Variants in PFKL observed in about 807,000 individuals in gnomAD.
The protein encoded by PFKL is ATP-dependent 6-phosphofructokinase, liver type.
A neutral mutation model predicts 92.1 loss-of-function variants in PFKL; 74 were observed. That is an observed-to-expected ratio of 0.80 (90% CI 0.67 to 0.97). The LOEUF is 0.97. Among genes scored for constraint, PFKL ranks in the 50% least tolerant of loss-of-function variants. PFKL has a pLI of 0.00. For missense variants in PFKL, 1,028 were observed against 1,116.6 expected (o/e 0.92, Z 1.13); for synonymous variants, 494 against 456.4 (o/e 1.08, Z -1.05).
intron 1 of PFKL, chr21:44,304,562 A>G (rs1442208048): frequency 4.5e-6 from 5 of 1,114,132 alleles, no homozygotes; most frequent in African/African-American, 1.7e-5. Flanking sequence ...ACTGCCCCCA[A>G]CTCCAGTGAG....
chr21:44,312,307 C>T lies in PFKL; in HGVS notation c.427+13C>T, dbSNP rs1340424768. On this transcript the variant is annotated intron_variant, in intron 4 of 21. Transcript: ENST00000349048. The stretch of plus-strand genomic sequence containing the variant: ...CTGGTGGCGGAAGGTGGGTCTGTGC[C>T]CGGCGCACTGTAGGCCCTGGGGTTT... 5 of 1,577,204 alleles carry T rather than the reference C, an allele frequency of 3.2e-6. No individual in the cohort carries two copies. The Admixed American group carries it at 5.5e-5, about 17-fold the overall frequency.
chr21:44,313,278 C>T (rs1034450033), intron 5 of PFKL, 135 bp downstream of exon 5: 3 of 1,014,666 alleles, frequency 3.0e-6, no homozygotes, highest in South Asian at 1.5e-5. Flanking sequence ...CCGCCCTCAG[C>T]CCCCAGCTGG....
chr21:44,324,765 G>A, intron 17 of PFKL, 91 bp from the exon 18 acceptor site: 1 of 1,574,976 alleles, frequency 6.3e-7, no homozygotes, highest in Non-Finnish European at 8.7e-7. Context: ...GGGACGCGTA[G>A]CCCAGTGCTC....
chr21:44,320,317 G>T, intron 12 of PFKL, 170 bp downstream of exon 12: 1 of 535,880 alleles, frequency 1.9e-6, no homozygotes. Context: ...AGGCACCACT[G>T]TGGCTGGCAG....
At chr21:44,313,709 G>C in intron 6 of PFKL, 27 bp downstream of exon 6, 1 of 1,601,520 alleles carries the variant, frequency 6.2e-7, no homozygotes. Context: ...TGGCCCGCTG[G>C]GTGGCCCGGG....
chr21:44,323,941 C>A (rs1167764871), intron 16 of PFKL, 23 bp downstream of exon 16: 1 of 1,612,506 alleles, frequency 6.2e-7, no homozygotes, highest in Non-Finnish European at 8.5e-7. Context: ...TGGACACCGG[C>A]CTGCCATGCC....
Position 44,300,057 on chromosome 21 carries a change from CGG to C in PFKL, c.-48_-47del. On this transcript the variant is annotated 5_prime_UTR_variant, in exon 1 of 22. Transcript: ENST00000349048. ...GCGGGGCGGGGCGGGGACGGCGACGCGGCGCAGGCGGCGGGAGTGCGAGCTGG... is the reference window on the plus strand; with the variant it reads ...GCGGGGCGGGGCGGGGACGGCGACGCCGCAGGCGGCGGGAGTGCGAGCTGG... The C allele has an allele frequency of 2.2e-6, 2 of 904,272 alleles. No individual in the cohort carries two copies. The highest frequency in any genetic ancestry group is 2.7e-6 in the Non-Finnish European group (2 of 752,158). 56.0% of individuals were successfully genotyped at this position (904,272 alleles called of 1,614,324 possible).
intron 2 of PFKL, among the ~76,000 whole-genome samples, chr21:44,310,647 A>G (rs2047015050): frequency 6.6e-6 from 1 of 152,180 alleles, no homozygotes; most frequent in African/African-American, 2.4e-5. Context: ...CAGAACAGGC[A>G]GACCTAGGAT....
intron 1 of PFKL, chr21:44,305,445 A>AG: frequency 1.7e-5 from 11 of 641,346 alleles, no homozygotes; most frequent in South Asian, 4.6e-5. Context: ...CTGCAAGTAC[A>AG]GGGGGGTGGG....
Position 44,321,459 on chromosome 21 carries a change from A to G in PFKL, c.1192-270A>G, listed in dbSNP as rs1055370122. 33 of 232,754 alleles carry G rather than the reference A, an allele frequency of 1.4e-4. No individual in the cohort carries two copies. The South Asian group carries it at 3.0e-3, about 21-fold the overall frequency. 14.4% of individuals were successfully genotyped at this position (232,754 alleles called of 1,614,324 possible). On this transcript the variant is annotated intron_variant, in intron 12 of 21. Coordinates refer to ENST00000349048, the MANE Select transcript of PFKL (RefSeq NM_002626.6). Reference sequence around the variant, plus strand: ...TGTTCCCGCCCGCAAGCCTGGCTTCACAACAGTGCTCGCCCCTTCTGCCTC... The same window carrying G: ...TGTTCCCGCCCGCAAGCCTGGCTTCGCAACAGTGCTCGCCCCTTCTGCCTC...
chr21:44,311,205 C>T (rs1021703741), intron 3 of PFKL, 122 bp downstream of exon 3: 1 of 706,330 alleles, frequency 1.4e-6, no homozygotes. Flanking sequence ...CACATGCAGA[C>T]ACACAGACAT....
chr21:44,324,982 C>T, intron 18 of PFKL, 65 bp downstream of exon 18: 1 of 1,471,278 alleles, frequency 6.8e-7, no homozygotes, highest in East Asian at 2.4e-5. Context: ...GGTGGGGCTG[C>T]TGAGGAGCGG....
At chr21:44,320,829 TAG>T (rs1311027914) in intron 12 of PFKL, 1 of 152,270 alleles carries the variant, frequency 6.6e-6, no homozygotes, top group Non-Finnish European at 1.5e-5. Flanking sequence ...GAGGGTCCTG[TAG>T]AGAGAGTCAC....
intron 4 of PFKL, 126 bp downstream of exon 4, chr21:44,312,420 T>G: frequency 2.3e-6 from 2 of 851,250 alleles, no homozygotes; most frequent in Non-Finnish European, 3.4e-6. Flanking sequence ...AGGGGCTGTC[T>G]GGCCGTTGGC....
intron 2 of PFKL, among the ~76,000 whole-genome samples, chr21:44,310,686 C>T (rs1307122580): frequency 3.9e-5 from 6 of 152,122 alleles, no homozygotes; most frequent in South Asian, 2.1e-4. Context: ...TGGCGGGCTC[C>T]GCTGGGGCCT....
At chr21:44,317,183 C>T (rs1405676947) in intron 9 of PFKL, among the ~76,000 whole-genome samples, 1 of 152,194 alleles carries the variant, frequency 6.6e-6, no homozygotes, top group Non-Finnish European at 1.5e-5. Flanking sequence ...GGCAAAATGC[C>T]TGTGTATGAG....
At position 44,313,272 on chromosome 21, in the gene PFKL, C is replaced by T. The variant is rs748792794; in HGVS notation, c.593+129C>T. On this transcript the variant is annotated intron_variant, in intron 5 of 21. Transcript: ENST00000349048. Reference sequence around the variant, plus strand: ...TAGCCCCAGCATCCAGGCCAGCCGCCCTCAGCCCCCAGCTGGGGGAACGCA... The same window carrying T: ...TAGCCCCAGCATCCAGGCCAGCCGCTCTCAGCCCCCAGCTGGGGGAACGCA... 877 of 1,054,926 alleles carry T rather than the reference C, an allele frequency of 8.3e-4. 7 individuals carry two copies. Among genetic ancestry groups the T allele is most frequent in the Middle Eastern group, 3.4e-3 (14 of 4,146 alleles). 65.3% of individuals were successfully genotyped at this position (1,054,926 alleles called of 1,614,324 possible).
At chr21:44,301,252 A>C (rs1385333389) in intron 1 of PFKL, among the ~76,000 whole-genome samples, 2 of 152,120 alleles carry the variant, frequency 1.3e-5, no homozygotes, top group African/African-American at 4.8e-5. Context: ...CGGCCTGCAG[A>C]GGGGGCTCCT....
rs778899956 is a variant in PFKL at position 44,326,841 on chromosome 21, G to A, written c.2322G>A (p.Leu774=). ...TGGAGCACGTGACCCGCCGCACCCT[G>A]AGCATGGACAAGGGCTTCTGAGGCC... is the stretch of plus-strand genomic sequence containing the variant. ...GELEHVTRRT[L]SMDKGF is the part of the protein sequence containing the mutation. The change falls in exon 22 of 22, where the codon CTG becomes CTA. Residue 774 remains leucine (L), a synonymous_variant. Transcript: ENST00000349048. The A allele has an allele frequency of 9.9e-6, 16 of 1,609,894 alleles. No individual in the cohort carries two copies. Among genetic ancestry groups the A allele is most frequent in the Admixed American group, 8.4e-5 (5 of 59,786 alleles).
Sources: allele counts gnomAD v4.1 joint callset (sites outside exome capture counted in the v4.1 genomes callset), GRCh38; gene constraint gnomAD v4.1.1; transcripts MANE v1.5; gene names NCBI Gene and HGNC (gene_info 2026-07-23, HGNC 2026-07-21).